Variants in SLC8A1 observed in about 807,000 individuals in gnomAD.
SLC8A1 encodes the protein solute carrier family 8 member A1, also known as sodium/calcium exchanger 1.
In SLC8A1, 18 loss-of-function variants were observed where a neutral mutation model predicts 68.3. The observed-to-expected ratio is 0.26, with a 90% CI of 0.18 to 0.39. The LOEUF is 0.39. Among genes scored for constraint, SLC8A1 ranks in the 10% least tolerant of loss-of-function variants. SLC8A1 has a pLI of 1.00. For missense variants in SLC8A1, 985 were observed against 1,156.7 expected (o/e 0.85, Z 2.15); for synonymous variants, 475 against 415.5 (o/e 1.14, Z -1.74).
intron 1 of SLC8A1, among the ~76,000 whole-genome samples, chr2:40,451,400 C>A (rs1559734111): frequency 6.6e-6 from 1 of 152,164 alleles, no homozygotes; most frequent in African/African-American, 2.4e-5. Flanking sequence ...GAGCACCCAA[C>A]GCCCGCTGGA....
At chr2:40,348,373 CA>C (rs1239160045) in intron 2 of SLC8A1, among the ~76,000 whole-genome samples, 1 of 152,054 alleles carries the variant, frequency 6.6e-6, no homozygotes, top group Admixed American at 6.6e-5. Flanking sequence ...ACAGTGACTC[CA>C]AAAAGAGAAG....
intron 2 of SLC8A1, among the ~76,000 whole-genome samples, chr2:40,324,752 G>T (rs1421893876): frequency 2.0e-5 from 3 of 151,790 alleles, no homozygotes; most frequent in Non-Finnish European, 4.4e-5. Flanking sequence ...AGTTTATCAG[G>T]AACATACTAC....
In SLC8A1 at chr2:40,373,445, G is replaced by C. The variant is rs1194558812; in HGVS notation, c.1808+55028C>G. On this transcript the variant is annotated intron_variant, in intron 2 of 7. Coordinates refer to ENST00000406785, the Ensembl canonical transcript of SLC8A1. The stretch of plus-strand genomic sequence containing the variant: ...ATATGAATAATGACTTAAATAAAAA[G>C]TTACAGTCACCCTCTTTCCCCTTCC... Among the ~76,000 whole-genome samples the C allele has an allele frequency of 2.0e-5, 3 of 152,074 alleles. No homozygotes were observed. In the East Asian group the frequency reaches 5.9e-4, roughly 30 times the overall value.
At chr2:40,101,147 C>T (rs1011521700) in exon 8 of SLC8A1, 1 of 152,176 alleles carries the variant, frequency 6.6e-6, no homozygotes, top group African/African-American at 2.4e-5. Context: ...TACTTTCTGA[C>T]TCTCTGCTTT....
At chr2:40,494,683 A>ATATATC (rs1553625465) in intron 1 of SLC8A1, among the ~76,000 whole-genome samples, 7 of 116,148 alleles carry the variant, frequency 6.0e-5, no homozygotes, top group Non-Finnish European at 1.1e-4. Flanking sequence ...ATATATATAT[A>ATATATC]TCCAAATGGA....
At chr2:40,222,049 C>T (rs1181308065) in intron 2 of SLC8A1, among the ~76,000 whole-genome samples, 4 of 152,074 alleles carry the variant, frequency 2.6e-5, no homozygotes, top group African/African-American at 9.7e-5. Context: ...TAAAAAAGAG[C>T]CTGTGTAGCC....
Position 40,119,804 on chromosome 2 carries a change from G to C in SLC8A1, c.2438-4175C>G, listed in dbSNP as rs570544038. Among the ~76,000 whole-genome samples the C allele has an allele frequency of 4.8e-4, 73 of 152,228 alleles. 1 individual carries two copies. Among genetic ancestry groups the C allele is most frequent in the African/African-American group, 1.7e-3 (69 of 41,538 alleles). On this transcript the variant is annotated intron_variant, in intron 7 of 7. Transcript: ENST00000406785. ...CCACCTTGAATTCTAATTAATTTTA[G>C]ATCAGTCATACAGTTTTAGACTTTT...
chr2:40,257,214 TAAAGATAAAAAATAAATAAATAA>T (rs2064067799), intron 2 of SLC8A1, among the ~76,000 whole-genome samples: 1 of 152,064 alleles, frequency 6.6e-6, no homozygotes, highest in Admixed American at 6.6e-5. Context: ...TGGAAAAAAG[TAAAGATAAAAAATAAATAAATAA>T]AAAGATCTTA....
chr2:40,385,410 A>C (rs1464434154), intron 2 of SLC8A1, among the ~76,000 whole-genome samples: 3 of 148,172 alleles, frequency 2.0e-5, no homozygotes, highest in African/African-American at 7.8e-5. Flanking sequence ...TTTCTCTTTT[A>C]ATCTCTCTCA....
At chr2:40,467,574 G>A (rs1488994245) in intron 1 of SLC8A1, among the ~76,000 whole-genome samples, 1 of 152,076 alleles carries the variant, frequency 6.6e-6, no homozygotes, top group Admixed American at 6.5e-5. Flanking sequence ...CTGCCTTTTT[G>A]TTCCTTTTAG....
chr2:40,452,207 G>T (rs993652440), upstream of SLC8A1: 1 of 148,282 alleles, frequency 6.7e-6, no homozygotes, highest in African/African-American at 2.4e-5. Flanking sequence ...CCCGCCCGCC[G>T]CCCGCAGCCT....
chr2:40,403,883 T>C (rs1417210423), intron 2 of SLC8A1, among the ~76,000 whole-genome samples: 1 of 152,328 alleles, frequency 6.6e-6, no homozygotes, highest in Admixed American at 6.5e-5. Flanking sequence ...CAGTGCCATA[T>C]GTACCCTAAA....
chr2:40,341,621 T>C (rs1352505832), intron 2 of SLC8A1, among the ~76,000 whole-genome samples: 2 of 152,190 alleles, frequency 1.3e-5, no homozygotes, highest in African/African-American at 4.8e-5. Flanking sequence ...TTTGGAAAGT[T>C]TCTTAATTAC....
intron 2 of SLC8A1, among the ~76,000 whole-genome samples, chr2:40,426,245 A>C (rs1310596773): frequency 1.3e-5 from 2 of 152,036 alleles, no homozygotes; most frequent in African/African-American, 4.8e-5. Context: ...TAAGCAAATG[A>C]AGTATAGTAA....
exon 8 of SLC8A1, chr2:40,111,687 A>C (rs796667717): frequency 2.6e-5 from 4 of 152,306 alleles, no homozygotes; most frequent in African/African-American, 9.6e-5. Context: ...ATGATATATG[A>C]AGTTAATAAG....
At chr2:40,361,682 T>A (rs1325736814) in intron 2 of SLC8A1, among the ~76,000 whole-genome samples, 1 of 151,910 alleles carries the variant, frequency 6.6e-6, no homozygotes, top group South Asian at 2.1e-4. Flanking sequence ...AATGATGTCA[T>A]CTGCAGTCAC....
At chr2:40,383,629 T>C (rs1682638946) in intron 2 of SLC8A1, among the ~76,000 whole-genome samples, 1 of 152,104 alleles carries the variant, frequency 6.6e-6, no homozygotes, top group African/African-American at 2.4e-5. Flanking sequence ...TAAAAAAATT[T>C]GCTCAAGGTC....
intron 2 of SLC8A1, among the ~76,000 whole-genome samples, chr2:40,313,026 C>CAT (rs965954099): frequency 3.3e-5 from 5 of 151,914 alleles, no homozygotes; most frequent in East Asian, 1.9e-4. Flanking sequence ...CACACACACA[C>CAT]ATATATATGT....
chr2:40,254,098 T>C (rs2063466795), intron 2 of SLC8A1, among the ~76,000 whole-genome samples: 1 of 152,142 alleles, frequency 6.6e-6, no homozygotes, highest in Non-Finnish European at 1.5e-5. Flanking sequence ...GATTTGATCA[T>C]TACACATTTT....
Sources: allele counts gnomAD v4.1 joint callset (sites outside exome capture counted in the v4.1 genomes callset), GRCh38; gene constraint gnomAD v4.1.1; transcripts MANE v1.5; gene names NCBI Gene and HGNC (gene_info 2026-07-23, HGNC 2026-07-21).